The following FAM120C variants were observed in gnomAD, a reference collection of about 807,000 sequenced individuals.
The protein encoded by FAM120C is family with sequence similarity 120 member C.
FAM120C carries 14 observed loss-of-function variants against 71.2 expected under a neutral mutation model. The ratio of observed to expected loss-of-function variants is 0.20; its 90% CI spans 0.13 to 0.31. The LOEUF (loss-of-function observed/expected upper bound fraction) is 0.31. Ranked by LOEUF, FAM120C falls within the 10% of genes least tolerant of loss-of-function variation. The pLI is 1.00. For synonymous variants in FAM120C, 354 were observed against 353.2 expected (o/e 1.00, Z -0.03); for missense variants, 500 against 879.0 (o/e 0.57, Z 5.45).
intron 10 of FAM120C, among the ~76,000 whole-genome samples, chrX:54,115,381 C>T (rs2066962671): frequency 9.0e-6 from 1 of 111,289 alleles, no homozygotes; most frequent in East Asian, 2.8e-4. Context: ...TAGTCAAATG[C>T]AAATTAAAAT....
Position 54,107,182 on chromosome X carries a change from C to T in FAM120C, c.2312+9363G>A, listed in dbSNP as rs2066911083. Among the ~76,000 whole-genome samples the T allele has an allele frequency of 2.7e-5, 3 of 109,239 alleles. No homozygotes were observed. The South Asian group carries it at 1.2e-3, about 44-fold the overall frequency. 94.9% of individuals were successfully genotyped at this position (109,239 alleles called of 115,157 possible). ...TGCAATCTTGGCTCACTGCAACCTCCGCCTCCTAGGTTCAAGCAATTCTCA... is the reference window on the plus strand; with the variant it reads ...TGCAATCTTGGCTCACTGCAACCTCTGCCTCCTAGGTTCAAGCAATTCTCA... On this transcript the variant is annotated intron_variant, in intron 10 of 15. Coordinates refer to ENST00000375180, the MANE Select transcript of FAM120C (RefSeq NM_017848.6).
chrX:54,183,113 G>T lies in FAM120C; in HGVS notation c.86C>A (p.Thr29Lys). The part of the protein sequence containing the change: ...VPVDLLKLAR[T>K]VSRQQQQQHL... ...CTGCTGCTGCTGCTGGCGCGAGACCGTGCGCGCGAGTTTTAGGAGGTCCAC... is the reference window on the plus strand; with the variant it reads ...CTGCTGCTGCTGCTGGCGCGAGACCTTGCGCGCGAGTTTTAGGAGGTCCAC... The change falls in exon 1 of 16, where the codon ACG (threonine) becomes AAG (lysine). Residue 29 changes from threonine to lysine, a missense_variant. By Grantham distance (78) the Thr-to-Lys change is moderately conservative (BLOSUM62 -1). This residue lies in a region of FAM120C where 12 missense variants were observed against 30.3 expected (regional missense o/e 0.40). Coordinates refer to ENST00000375180, the MANE Select transcript of FAM120C (RefSeq NM_017848.6). 1 of 1,156,398 alleles carries T rather than the reference G, an allele frequency of 8.6e-7. No homozygotes were observed.
chrX:54,140,114 G>GT (rs1288216949), intron 4 of FAM120C, among the ~76,000 whole-genome samples: 2 of 107,548 alleles, frequency 1.9e-5, no homozygotes, highest in Non-Finnish European at 3.8e-5. Flanking sequence ...GGACAACATG[G>GT]TGAAATCCCG....
intron 15 of FAM120C, among the ~76,000 whole-genome samples, chrX:54,078,663 A>C (rs1217449836): frequency 1.8e-5 from 2 of 111,743 alleles, no homozygotes; most frequent in East Asian, 5.6e-4. Flanking sequence ...ATTACAGACT[A>C]CATGTAGAAT....
chrX:54,086,754 CAA>C (rs60485302), intron 12 of FAM120C, among the ~76,000 whole-genome samples: 1 of 58,158 alleles, frequency 1.7e-5, no homozygotes, highest in Non-Finnish European at 2.9e-5. Context: ...GAATCTGTCT[CAA>C]AAAAAAAAAA....
chrX:54,169,432 G>C (rs1368267965), intron 1 of FAM120C, among the ~76,000 whole-genome samples: 1 of 112,099 alleles, frequency 8.9e-6, no homozygotes, highest in Non-Finnish European at 1.9e-5. Context: ...TAGATTGTAA[G>C]CCCATTAGTG....
chrX:54,093,803 A>T (rs2066835496), intron 10 of FAM120C, among the ~76,000 whole-genome samples: 1 of 111,471 alleles, frequency 9.0e-6, no homozygotes, highest in East Asian at 2.8e-4. Flanking sequence ...TCCACTGGGG[A>T]TTTTCCCCAG....
In FAM120C at chrX:54,091,275, T is replaced by C. The variant is rs373605713; in HGVS notation, c.2427+37A>G. On this transcript the variant is annotated intron_variant, in intron 11 of 15. Coordinates refer to ENST00000375180, the MANE Select transcript of FAM120C (RefSeq NM_017848.6). The stretch of plus-strand genomic sequence containing the variant: ...GACCTAAAGTAGTGCCATAAGCTCA[T>C]AAAAGAAAGAACTTAAATGAGGGTA... The C allele has an allele frequency of 5.8e-5, 58 of 1,006,961 alleles. No individual in the cohort carries two copies. The African/African-American group carries it at 1.0e-3, about 18-fold the overall frequency. 83.0% of individuals were successfully genotyped at this position (1,006,961 alleles called of 1,213,427 possible). A position where few individuals can be genotyped will look rare whatever the true frequency, so the allele number is the denominator to read the frequency against.
chrX:54,176,296 A>T (rs1217977492), intron 1 of FAM120C, among the ~76,000 whole-genome samples: 4 of 109,902 alleles, frequency 3.6e-5, no homozygotes, highest in Non-Finnish European at 5.7e-5. Context: ...AGCTGGGTGT[A>T]GTGGCACGCA....
At chrX:54,157,404 G>A (rs1481280102) in intron 3 of FAM120C, among the ~76,000 whole-genome samples, 26 of 110,200 alleles carry the variant, frequency 2.4e-4, no homozygotes, top group African/African-American at 8.6e-4. Context: ...ATAGGCGCCT[G>A]CCACTACGCT....
intron 11 of FAM120C, among the ~76,000 whole-genome samples, chrX:54,088,403 C>T (rs1455045427): frequency 9.2e-6 from 1 of 108,895 alleles, no homozygotes; most frequent in Non-Finnish European, 1.9e-5. Flanking sequence ...ACCAGCCTGG[C>T]CAACATGGTG....
In FAM120C at chrX:54,085,708, T is replaced by C. The variant is rs2066790660; in HGVS notation, c.2839+7A>G. 5 of 1,204,533 alleles carry C rather than the reference T, an allele frequency of 4.2e-6. No homozygotes were observed. In the African/African-American group the frequency reaches 8.7e-5, roughly 21 times the overall value. On this transcript the variant is annotated splice_region_variant and intron_variant, in intron 13 of 15. Coordinates refer to ENST00000375180, the MANE Select transcript of FAM120C (RefSeq NM_017848.6). ...GGATGGTAAATACCTCATTCTTTGG[T>C]ACTGACCTGCAAATCCCCGGCTCCT...
At chrX:54,179,951 T>C (rs1262452389) in intron 1 of FAM120C, among the ~76,000 whole-genome samples, 6 of 112,249 alleles carry the variant, frequency 5.3e-5, no homozygotes, top group African/African-American at 1.9e-4. Flanking sequence ...AAAGTTGAGA[T>C]AATTTTACAG....
chrX:54,124,623 C>G (rs2067016012), intron 9 of FAM120C, among the ~76,000 whole-genome samples: 1 of 100,851 alleles, frequency 9.9e-6, no homozygotes, highest in Non-Finnish European at 2.0e-5. Flanking sequence ...CTGTCTGGCA[C>G]TCCCTAGTGA....
At chrX:54,173,544 G>A (rs782038079) in intron 1 of FAM120C, among the ~76,000 whole-genome samples, 35 of 112,471 alleles carry the variant, frequency 3.1e-4, no homozygotes, top group Admixed American at 3.0e-3. Context: ...CACCGCGCCC[G>A]GCTGTATACT....
intron 10 of FAM120C, among the ~76,000 whole-genome samples, chrX:54,092,569 G>A (rs2066829840): frequency 9.2e-6 from 1 of 109,275 alleles, no homozygotes; most frequent in East Asian, 2.9e-4. Context: ...AGGAGGAGGA[G>A]ACGACGAAGA....
At chrX:54,164,288 A>G (rs781803761) in intron 1 of FAM120C, among the ~76,000 whole-genome samples, 1 of 112,245 alleles carries the variant, frequency 8.9e-6, no homozygotes, top group Non-Finnish European at 1.9e-5. Flanking sequence ...AAATTTACCA[A>G]CTTGACTATT....
At chrX:54,128,705 T>C (rs2067042294) in intron 9 of FAM120C, among the ~76,000 whole-genome samples, 2 of 111,864 alleles carry the variant, frequency 1.8e-5, no homozygotes, top group Admixed American at 9.5e-5. Flanking sequence ...AAGCATCTGT[T>C]TAACAAAAAC....
At chrX:54,177,703 A>G (rs782495018) in intron 1 of FAM120C, among the ~76,000 whole-genome samples, 11 of 111,730 alleles carry the variant, frequency 9.8e-5, no homozygotes, top group Admixed American at 9.5e-5. Context: ...AGCAATAGGA[A>G]TCATCAGAAT....
Sources: gnomAD v4.1 joint callset for allele counts (sites outside exome capture counted in the v4.1 genomes callset) on GRCh38, gnomAD v4.1.1 for gene constraint, gnomAD v4.1.1 regional missense constraint, MANE v1.5 for transcripts, NCBI Gene and HGNC (gene_info 2026-07-23, HGNC 2026-07-21) for gene names.